Variants in ANKS1B observed in about 807,000 individuals in gnomAD.
ANKS1B encodes ankyrin repeat and sterile alpha motif domain containing 1B, also known as ankyrin repeat and sterile alpha motif domain-containing protein 1B.
ANKS1B carries 36 observed loss-of-function variants against 148.3 expected under a neutral mutation model. That is an observed-to-expected ratio of 0.24 (90% CI 0.19 to 0.32). The LOEUF (loss-of-function observed/expected upper bound fraction) is 0.32. ANKS1B is among the 10% of genes least tolerant of loss of function. ANKS1B has a pLI of 1.00. For synonymous variants in ANKS1B, 542 were observed against 560.8 expected, an observed-to-expected ratio of 0.97 and a Z score of 0.47; for missense variants, 1,157 against 1,542.6, an observed-to-expected ratio of 0.75 and a Z score of 4.19.
intron 12 of ANKS1B, among the ~76,000 whole-genome samples, chr12:99,379,650 A>G (rs1348381684): frequency 6.6e-6 from 1 of 152,216 alleles, no homozygotes; most frequent in Non-Finnish European, 1.5e-5. Context: ...GGAAGTGATT[A>G]CACAAGTACA....
At chr12:99,110,164 C>T (rs528072572) in intron 15 of ANKS1B, among the ~76,000 whole-genome samples, 22 of 152,228 alleles carry the variant, frequency 1.4e-4, no homozygotes, top group Non-Finnish European at 2.8e-4. Context: ...AAAGCTGAAA[C>T]CTGGCTAGGT....
chr12:98,829,117 T>C lies in ANKS1B; in HGVS notation c.3066+57A>G, dbSNP rs138206963. On this transcript the variant is annotated intron_variant, in intron 19 of 26. Transcript: ENST00000683438. The surrounding 1 kb of genome is among the most constrained non-coding windows in gnomAD (Gnocchi z 5.2). ...ATCCATAGGAAGCTACTGTTCACTA[T>C]TAAAAGGCATTACCTGATATGGTTG... is the stretch of plus-strand genomic sequence containing the variant. The C allele has an allele frequency of 1.2e-3, 1,963 of 1,599,414 alleles. 11 individuals are homozygous for C. Among genetic ancestry groups the C allele is most frequent in the African/African-American group, 0.01 (753 of 74,524 alleles).
intron 15 of ANKS1B, among the ~76,000 whole-genome samples, chr12:99,130,467 CT>C (rs2065782933): frequency 6.6e-6 from 1 of 152,182 alleles, no homozygotes; most frequent in African/African-American, 2.4e-5. Flanking sequence ...CTCCCTTTCT[CT>C]CACTCCTGAA....
At position 98,782,153 on chromosome 12, in the gene ANKS1B, G is replaced by T; in HGVS notation, c.3343-16C>A. ...GACAGTTAGCCTGGTGGATTTTCCA[G>T]TTAAGACAGATGGGAACATAATAGG... is the stretch of plus-strand genomic sequence containing the variant. On this transcript the variant is annotated splice_polypyrimidine_tract_variant and intron_variant, in intron 22 of 26. Transcript: ENST00000683438. The T allele has an allele frequency of 6.3e-7, 1 of 1,596,176 alleles. No individual in the cohort carries two copies. The highest frequency in any genetic ancestry group is 8.5e-7 in the Non-Finnish European group (1 of 1,169,974).
intron 11 of ANKS1B, among the ~76,000 whole-genome samples, chr12:99,422,137 A>G (rs76090765): frequency 0.085 from 12,998 of 152,242 alleles, 616 homozygotes; most frequent in African/African-American, 0.1. Flanking sequence ...GCAATGCAAG[A>G]ATGTCCTAAC....
At chr12:98,922,391 C>T (rs558202551) in intron 17 of ANKS1B, among the ~76,000 whole-genome samples, 1 of 152,296 alleles carries the variant, frequency 6.6e-6, no homozygotes, top group African/African-American at 2.4e-5. Flanking sequence ...ACAAAAATTC[C>T]TGCTCTCTTT....
intron 8 of ANKS1B, among the ~76,000 whole-genome samples, chr12:99,689,850 G>A (rs2098669446): frequency 6.6e-6 from 1 of 152,194 alleles, no homozygotes; most frequent in East Asian, 1.9e-4. Flanking sequence ...CTGAACTTCA[G>A]AGGAGACCAC....
In ANKS1B at chr12:98,782,147, T is replaced by A. The variant is rs767617441; in HGVS notation, c.3343-10A>T. ...CTACCTGACAGTTAGCCTGGTGGAT[T>A]TTCCAGTTAAGACAGATGGGAACAT... On this transcript the variant is annotated splice_polypyrimidine_tract_variant and intron_variant, in intron 22 of 26. Coordinates refer to ENST00000683438, the MANE Select transcript of ANKS1B (RefSeq NM_001352186.2). The A allele has an allele frequency of 6.3e-7, 1 of 1,598,656 alleles. No homozygotes were observed. Among genetic ancestry groups the A allele is most frequent in the South Asian group, 1.1e-5 (1 of 87,998 alleles).
chr12:99,746,550 C>G (rs865979586), intron 8 of ANKS1B, among the ~76,000 whole-genome samples: 1 of 152,064 alleles, frequency 6.6e-6, no homozygotes, highest in South Asian at 2.1e-4. Context: ...TGCTTCTATA[C>G]AATCATTGTA....
intron 15 of ANKS1B, among the ~76,000 whole-genome samples, chr12:99,089,787 T>C (rs554791240): frequency 1.3e-5 from 2 of 152,372 alleles, no homozygotes; most frequent in Non-Finnish European, 1.5e-5. Context: ...GCTATAAATC[T>C]ATGCTATGAA....
chr12:98,895,423 CCGCTGT>C, intron 17 of ANKS1B: 1 of 521,020 alleles, frequency 1.9e-6, no homozygotes, highest in Non-Finnish European at 2.5e-6. Flanking sequence ...GCCGCCACTG[CCGCTGT>C]TACTGCGGTC....
intron 12 of ANKS1B, among the ~76,000 whole-genome samples, chr12:99,292,219 A>G (rs955969356): frequency 2.0e-5 from 3 of 151,994 alleles, no homozygotes; most frequent in Non-Finnish European, 4.4e-5. Context: ...TTGGCTGGGC[A>G]TGGTGGCTCA....
intron 25 of ANKS1B, among the ~76,000 whole-genome samples, chr12:98,753,506 C>T (rs1410566992): frequency 2.0e-5 from 3 of 152,126 alleles, no homozygotes; most frequent in Non-Finnish European, 2.9e-5. Context: ...CGGCTCACTG[C>T]CACCTCCACC....
intron 10 of ANKS1B, among the ~76,000 whole-genome samples, chr12:99,471,946 C>T (rs2096248951): frequency 6.6e-6 from 1 of 152,066 alleles, no homozygotes; most frequent in Non-Finnish European, 1.5e-5. Flanking sequence ...TTAGTGGTCC[C>T]TTATTAAATG....
rs2098081500 is a variant in ANKS1B at position 98,751,217 on chromosome 12, T to C, written c.3747+138A>G. On this transcript the variant is annotated intron_variant, in intron 26 of 26. Coordinates refer to ENST00000683438, the MANE Select transcript of ANKS1B (RefSeq NM_001352186.2). The surrounding 1 kb of genome is among the most constrained non-coding windows in gnomAD (Gnocchi z 4.3). ...CCAGGCAGAGGTGATGATGGACACA[T>C]GCCAGGAGGAGGCCAAGGGAAAGGA... 1 of 856,350 alleles carries C rather than the reference T, an allele frequency of 1.2e-6. No individual in the cohort carries two copies. The highest frequency in any genetic ancestry group is 1.8e-5 in the South Asian group (1 of 54,264). 53.0% of individuals were successfully genotyped at this position (856,350 alleles called of 1,614,324 possible).
chr12:98,886,752 G>A (rs1400340594), intron 17 of ANKS1B, among the ~76,000 whole-genome samples: 1 of 152,092 alleles, frequency 6.6e-6, no homozygotes, highest in South Asian at 2.1e-4. Context: ...AGACTATACA[G>A]AGATATTCAA....
chr12:99,970,753 C>T (rs941045612), intron 1 of ANKS1B, among the ~76,000 whole-genome samples: 3 of 152,132 alleles, frequency 2.0e-5, no homozygotes, highest in Non-Finnish European at 4.4e-5. Flanking sequence ...TGGAAAATTC[C>T]TATTCATCCC....
intron 9 of ANKS1B, among the ~76,000 whole-genome samples, chr12:99,624,731 T>C (rs1403030702): frequency 6.6e-6 from 1 of 151,940 alleles, no homozygotes; most frequent in East Asian, 1.9e-4. Flanking sequence ...ATGGCTATTG[T>C]TAGAAAGTCA....
intron 12 of ANKS1B, among the ~76,000 whole-genome samples, chr12:99,393,405 G>A (rs907905993): frequency 6.6e-6 from 1 of 152,196 alleles, no homozygotes; most frequent in Non-Finnish European, 1.5e-5. Context: ...GGAATGACAT[G>A]AGGAGCCTTG....
Sources: allele counts gnomAD v4.1 joint callset (sites outside exome capture counted in the v4.1 genomes callset), GRCh38; gene constraint gnomAD v4.1.1; non-coding constraint Gnocchi (gnomAD v3.1); transcripts MANE v1.5; gene names NCBI Gene and HGNC (gene_info 2026-07-23, HGNC 2026-07-21).